Variants in SKAP2 observed in about 807,000 individuals in gnomAD.
SKAP2 encodes the protein src kinase associated phosphoprotein 2, also known as src kinase-associated phosphoprotein 2.
In SKAP2, 28 loss-of-function variants were observed where a neutral mutation model predicts 54.9. That is an observed-to-expected ratio of 0.51 (90% CI 0.38 to 0.70). The LOEUF is 0.70. Ranked by LOEUF, SKAP2 falls within the 30% of genes least tolerant of loss-of-function variation. SKAP2 has a pLI of 0.00. For missense variants in SKAP2, 356 were observed against 424.1 expected (o/e 0.84, Z 1.41); for synonymous variants, 137 against 134.3 (o/e 1.02, Z -0.14).
chr7:26,786,799 T>C (rs1461829810), intron 4 of SKAP2, among the ~76,000 whole-genome samples: 1 of 152,182 alleles, frequency 6.6e-6, no homozygotes, highest in Non-Finnish European at 1.5e-5. Flanking sequence ...TTTCTGAACA[T>C]ATAATTATTT....
chr7:26,745,571 C>T (rs914206938), intron 4 of SKAP2, among the ~76,000 whole-genome samples: 4 of 152,154 alleles, frequency 2.6e-5, no homozygotes, highest in African/African-American at 9.7e-5. Context: ...GGCTGGAGTG[C>T]AGTGGCATGA....
At chr7:26,754,333 C>T (rs1782744420) in intron 4 of SKAP2, among the ~76,000 whole-genome samples, 1 of 149,872 alleles carries the variant, frequency 6.7e-6, no homozygotes, top group Non-Finnish European at 1.5e-5. Context: ...CACAGAACTC[C>T]AGTCTGGGCA....
At chr7:26,855,699 G>T (rs1785147946) in intron 1 of SKAP2, among the ~76,000 whole-genome samples, 1 of 151,782 alleles carries the variant, frequency 6.6e-6, no homozygotes, top group Non-Finnish European at 1.5e-5. Context: ...TGCTGTCTGG[G>T]TCTCTCTAGT....
chr7:26,853,548 C>CA lies in SKAP2; in HGVS notation c.199+588dup, dbSNP rs914516060. On this transcript the variant is annotated intron_variant, in intron 3 of 12. Coordinates refer to ENST00000345317, the MANE Select transcript of SKAP2 (RefSeq NM_003930.5). Reference sequence around the variant, plus strand: ...AGGTTATCAGCATTCTCACATATTTCAAAAAAAAATGAAACTGAATTCCCT... The same window carrying CA: ...AGGTTATCAGCATTCTCACATATTTCAAAAAAAAAATGAAACTGAATTCCCT... 4.2e-4 allele frequency among the ~76,000 whole-genome samples: 63 copies of CA among 150,166 alleles called. No individual in the cohort carries two copies. In the Middle Eastern group the frequency reaches 0.01, roughly 24 times the overall value.
At chr7:26,819,408 C>T (rs528794309) in intron 4 of SKAP2, among the ~76,000 whole-genome samples, 5 of 151,922 alleles carry the variant, frequency 3.3e-5, no homozygotes, top group African/African-American at 1.2e-4. Flanking sequence ...CACACACCTG[C>T]ACCTGTCGGG....
At chr7:26,832,240 T>C (rs1306558744) in intron 4 of SKAP2, among the ~76,000 whole-genome samples, 1 of 152,174 alleles carries the variant, frequency 6.6e-6, no homozygotes, top group Non-Finnish European at 1.5e-5. Flanking sequence ...AACAACACTG[T>C]AGTCCTTTTA....
intron 11 of SKAP2, among the ~76,000 whole-genome samples, chr7:26,679,178 C>T (rs935868240): frequency 7.2e-5 from 11 of 152,216 alleles, no homozygotes; most frequent in African/African-American, 2.4e-4. Context: ...GGCTTTTCCT[C>T]TACCTGTCAG....
rs559156814 is a variant in SKAP2, at chr7:26,736,084, G to T, written c.469+2711C>A. 2.0e-5 allele frequency among the ~76,000 whole-genome samples: 3 copies of T among 152,292 alleles called. No homozygotes were observed. The South Asian group carries it at 6.2e-4, about 32-fold the overall frequency. On this transcript the variant is annotated intron_variant, in intron 6 of 12. Transcript: ENST00000345317. ...ATGGTAATTTTTTTAAAGTGGAAGT[G>T]TCAGAGGCTTTTAAACCAGAGCAAC...
intron 9 of SKAP2, among the ~76,000 whole-genome samples, chr7:26,704,414 T>C (rs951621889): frequency 2.0e-5 from 3 of 152,196 alleles, no homozygotes; most frequent in Non-Finnish European, 2.9e-5. Context: ...CTGAATAAGA[T>C]AGCTATAGTT....
At chr7:26,730,395 A>G (rs1021476015) in intron 6 of SKAP2, among the ~76,000 whole-genome samples, 2 of 152,234 alleles carry the variant, frequency 1.3e-5, no homozygotes, top group Non-Finnish European at 2.9e-5. Context: ...CTTCACAAAT[A>G]GCAAAAGCTT....
chr7:26,730,071 T>C (rs991333741), intron 6 of SKAP2, among the ~76,000 whole-genome samples: 1 of 152,106 alleles, frequency 6.6e-6, no homozygotes, highest in African/African-American at 2.4e-5. Flanking sequence ...ACCATAACCA[T>C]GAAGTAGCCA....
At chr7:26,731,893 T>C (rs1346318038) in intron 6 of SKAP2, among the ~76,000 whole-genome samples, 4 of 152,188 alleles carry the variant, frequency 2.6e-5, no homozygotes, top group Non-Finnish European at 4.4e-5. Context: ...CTGGCAAATA[T>C]ACTTGTTTTT....
At chr7:26,739,384 T>C (rs1323477620) in intron 5 of SKAP2, among the ~76,000 whole-genome samples, 1 of 152,244 alleles carries the variant, frequency 6.6e-6, no homozygotes, top group Non-Finnish European at 1.5e-5. Context: ...ACCACCTCCA[T>C]ATTTCATTTC....
intron 9 of SKAP2, among the ~76,000 whole-genome samples, chr7:26,717,052 A>G (rs1787462047): frequency 6.6e-6 from 1 of 152,208 alleles, no homozygotes; most frequent in African/African-American, 2.4e-5. Context: ...TAACGGGCAG[A>G]GCTGGGATTC....
chr7:26,779,225 T>C (rs1371414812), intron 4 of SKAP2, among the ~76,000 whole-genome samples: 1 of 152,038 alleles, frequency 6.6e-6, no homozygotes, highest in Non-Finnish European at 1.5e-5. Flanking sequence ...TACCATTAAA[T>C]AGCTGTTTAT....
At chr7:26,843,885 A>G in intron 4 of SKAP2, 145 bp downstream of exon 4, 1 of 524,644 alleles carries the variant, frequency 1.9e-6, no homozygotes, top group South Asian at 3.6e-5. Flanking sequence ...ACCACTAGAG[A>G]GAGCTCTTCT....
chr7:26,724,970 G>A (rs1026239888), intron 9 of SKAP2, among the ~76,000 whole-genome samples: 1 of 152,048 alleles, frequency 6.6e-6, no homozygotes, highest in Non-Finnish European at 1.5e-5. Flanking sequence ...CTCTGAGACA[G>A]TGCAATATAC....
intron 4 of SKAP2, among the ~76,000 whole-genome samples, chr7:26,746,002 G>C (rs544419553): frequency 4.6e-5 from 7 of 152,230 alleles, no homozygotes; most frequent in African/African-American, 1.4e-4. Context: ...TTCTTAAGAA[G>C]TGATAAACAG....
Position 26,747,410 on chromosome 7 carries a change from G to C in SKAP2, c.308-7446C>G, listed in dbSNP as rs1357287363. On this transcript the variant is annotated intron_variant, in intron 4 of 12. Coordinates refer to ENST00000345317, the MANE Select transcript of SKAP2 (RefSeq NM_003930.5). ...ATATAGCAGCCTATGTGACTACACT[G>C]GGGAAAAAGCAGAGGTTACAACTCA... Among the ~76,000 whole-genome samples the C allele has an allele frequency of 2.6e-5, 4 of 152,070 alleles. No individual in the cohort carries two copies. In the East Asian group the frequency reaches 7.7e-4, roughly 29 times the overall value.
Sources: allele counts gnomAD v4.1 joint callset (sites outside exome capture counted in the v4.1 genomes callset), GRCh38; gene constraint gnomAD v4.1.1; transcripts MANE v1.5; gene names NCBI Gene and HGNC (gene_info 2026-07-23, HGNC 2026-07-21).